Variants in MLLT3 observed in about 807,000 individuals in gnomAD.
MLLT3 encodes the protein protein AF-9.
Under a neutral mutation model 53.2 loss-of-function variants are expected in MLLT3, and 4 were observed. The ratio of observed to expected loss-of-function variants is 0.08; its 90% confidence interval spans 0.04 to 0.17. The LOEUF is 0.17. Among genes scored for constraint, MLLT3 ranks in the 10% least tolerant of loss-of-function variants. MLLT3 has a pLI of 1.00. For missense variants in MLLT3, 569 were observed against 684.0 expected (o/e 0.83, Z 1.87); for synonymous variants, 283 against 230.6 (o/e 1.23, Z -2.06).
intron 5 of MLLT3, among the ~76,000 whole-genome samples, chr9:20,400,864 A>G (rs1177480347): frequency 6.6e-6 from 1 of 152,202 alleles, no homozygotes; most frequent in African/African-American, 2.4e-5. Flanking sequence ...CCATAACACC[A>G]TAATTTTAAC....
intron 2 of MLLT3, among the ~76,000 whole-genome samples, chr9:20,571,601 C>T (rs1406599456): frequency 6.6e-6 from 1 of 152,118 alleles, no homozygotes; most frequent in African/African-American, 2.4e-5. Flanking sequence ...GCCTCCCACC[C>T]CCAGACAGGC....
chr9:20,621,807 G>A lies in MLLT3; in HGVS notation c.12+438C>T. The A allele has an allele frequency of 1.4e-6, 2 of 1,438,964 alleles. No individual in the cohort carries two copies. The highest frequency in any genetic ancestry group is 1.8e-6 in the Non-Finnish European group (2 of 1,107,776). The allele number at this position is 1,438,964 out of a possible 1,614,324, so 89.1% of individuals were successfully genotyped here. The stretch of plus-strand genomic sequence containing the variant: ...GGCCGCGGCGCTTTGCGGAGGTGCG[G>A]CCGCCGAGGCTGCTCGCCGCGTCCC... On this transcript the variant is annotated intron_variant, in intron 1 of 10. Transcript: ENST00000380338. The surrounding 1 kb of genome is among the most constrained non-coding windows in gnomAD (Gnocchi z 7.0).
Position 20,582,107 on chromosome 9 carries a change from G to C in MLLT3, c.193+38547C>G, listed in dbSNP as rs1387028401. Among the ~76,000 whole-genome samples, 4 of 152,138 alleles carry C rather than the reference G, an allele frequency of 2.6e-5. No individual in the cohort carries two copies. The East Asian group carries it at 7.7e-4, about 29-fold the overall frequency. On this transcript the variant is annotated intron_variant, in intron 2 of 10. Transcript: ENST00000380338. The stretch of plus-strand genomic sequence containing the variant: ...TTTTAGGTTTCAGAAAAATTAAGCA[G>C]AAAGTACAGAGAGTTCTTACATATT...
intron 4 of MLLT3, among the ~76,000 whole-genome samples, chr9:20,415,881 A>C (rs1020681641): frequency 1.3e-5 from 2 of 151,948 alleles, no homozygotes; most frequent in Non-Finnish European, 2.9e-5. Flanking sequence ...TTTCTTAATA[A>C]ATTTTTTTTT....
intron 2 of MLLT3, among the ~76,000 whole-genome samples, chr9:20,493,813 T>C (rs1825012270): frequency 2.0e-5 from 3 of 152,090 alleles, no homozygotes. Flanking sequence ...CATTATTGTC[T>C]TTCTGCAAAT....
At chr9:20,577,916 T>C (rs1819694588) in intron 2 of MLLT3, among the ~76,000 whole-genome samples, 1 of 152,208 alleles carries the variant, frequency 6.6e-6, no homozygotes, top group South Asian at 2.1e-4. Flanking sequence ...TATTTGGGAA[T>C]CATTCCTAGA....
At chr9:20,554,148 C>T (rs953050237) in intron 2 of MLLT3, among the ~76,000 whole-genome samples, 3 of 152,094 alleles carry the variant, frequency 2.0e-5, no homozygotes, top group African/African-American at 7.2e-5. Flanking sequence ...TTCTGCCTAA[C>T]ATTTTTCATA....
chr9:20,400,094 T>A (rs1035068443), intron 5 of MLLT3, among the ~76,000 whole-genome samples: 6 of 150,466 alleles, frequency 4.0e-5, no homozygotes, highest in African/African-American at 1.5e-4. Context: ...TAAAAGAATA[T>A]AATCTACCCA....
chr9:20,417,776 AT>A (rs1822907992), intron 4 of MLLT3, among the ~76,000 whole-genome samples: 2 of 152,174 alleles, frequency 1.3e-5, no homozygotes, highest in South Asian at 4.1e-4. Context: ...GGTATCTTTA[AT>A]GTTTAATCTC....
At chr9:20,424,564 GGCTGT>G (rs1823096035) in intron 4 of MLLT3, among the ~76,000 whole-genome samples, 1 of 152,138 alleles carries the variant, frequency 6.6e-6, no homozygotes, top group Non-Finnish European at 1.5e-5. Context: ...GGCCCCTATA[GGCTGT>G]CATTAGGAAG....
In MLLT3 at chr9:20,417,694, G is replaced by C. The variant is rs145307438; in HGVS notation, c.421-3269C>G. On this transcript the variant is annotated intron_variant, in intron 4 of 10. Transcript: ENST00000380338. ...CTAACTTTACAACCTGTGACTATAGGATACAATATTTTCTCTCATCTATTC... is the reference window on the plus strand; with the variant it reads ...CTAACTTTACAACCTGTGACTATAGCATACAATATTTTCTCTCATCTATTC... 3.9e-5 allele frequency among the ~76,000 whole-genome samples: 6 copies of C among 152,112 alleles called. No homozygotes were observed. The East Asian group carries it at 1.2e-3, about 29-fold the overall frequency.
At chr9:20,565,650 C>T (rs1256691868) in intron 2 of MLLT3, among the ~76,000 whole-genome samples, 2 of 151,678 alleles carry the variant, frequency 1.3e-5, no homozygotes, top group African/African-American at 2.4e-5. Flanking sequence ...CCACGAATTA[C>T]GGTACCTTTT....
chr9:20,352,017 C>T (rs773435034), intron 10 of MLLT3, among the ~76,000 whole-genome samples: 14 of 152,218 alleles, frequency 9.2e-5, no homozygotes, highest in Non-Finnish European at 1.5e-4. Flanking sequence ...ACAGATATTA[C>T]TCTCTCCCTC....
At chr9:20,373,118 A>G (rs536489520) in intron 5 of MLLT3, among the ~76,000 whole-genome samples, 7 of 152,244 alleles carry the variant, frequency 4.6e-5, no homozygotes, top group African/African-American at 1.4e-4. Flanking sequence ...TCATAGAGTG[A>G]GGGCACTGAA....
At chr9:20,491,742 TA>T (rs1285007926) in intron 2 of MLLT3, among the ~76,000 whole-genome samples, 1 of 152,162 alleles carries the variant, frequency 6.6e-6, no homozygotes, top group East Asian at 1.9e-4. Context: ...GATCTTTAAA[TA>T]ACCACATATA....
At chr9:20,358,895 G>C (rs1316975855) in intron 8 of MLLT3, among the ~76,000 whole-genome samples, 2 of 152,050 alleles carry the variant, frequency 1.3e-5, no homozygotes, top group Non-Finnish European at 2.9e-5. Flanking sequence ...GGTGGCTCAT[G>C]CCTGTAATCC....
intron 4 of MLLT3, 147 bp downstream of exon 4, chr9:20,447,976 C>CA: frequency 1.3e-6 from 1 of 758,584 alleles, no homozygotes; most frequent in Non-Finnish European, 2.1e-6. Flanking sequence ...CACATGAATC[C>CA]ACAGCTAAGC....
intron 4 of MLLT3, among the ~76,000 whole-genome samples, chr9:20,432,274 A>G (rs1295336237): frequency 1.3e-5 from 2 of 152,340 alleles, no homozygotes; most frequent in East Asian, 1.9e-4. Flanking sequence ...AAATGCTTGA[A>G]TAATTTTATA....
rs895331250 is a variant in MLLT3 at position 20,345,829 on chromosome 9, C to A, written c.*614G>T. 1.8e-5 allele frequency: 4 copies of A among 224,284 alleles called. No homozygotes were observed. The highest frequency in any genetic ancestry group is 3.6e-5 in the Non-Finnish European group (4 of 112,160). The allele number at this position is 224,284 out of a possible 1,614,324, so 13.9% of individuals were successfully genotyped here. A position where few individuals can be genotyped will look rare whatever the true frequency, so the allele number is the denominator to read the frequency against. ...CCAGTTGATAATCTGTGTCCTGGAA[C>A]TGGAAAAACAAAAGGTGGAAAATAC... On this transcript the variant is annotated 3_prime_UTR_variant, in exon 11 of 11. Coordinates refer to ENST00000380338, the MANE Select transcript of MLLT3 (RefSeq NM_004529.4).
Sources: allele counts gnomAD v4.1 joint callset (sites outside exome capture counted in the v4.1 genomes callset), GRCh38; gene constraint gnomAD v4.1.1; non-coding constraint Gnocchi (gnomAD v3.1); transcripts MANE v1.5; gene names NCBI Gene and HGNC (gene_info 2026-07-23, HGNC 2026-07-21).